Variants in GUCY1A2 observed in about 807,000 individuals in gnomAD.
GUCY1A2 encodes guanylate cyclase soluble subunit alpha-2.
Under a neutral mutation model 63.5 loss-of-function variants are expected in GUCY1A2, and 27 were observed. The observed-to-expected ratio is 0.43, with a 90% CI of 0.31 to 0.59. The LOEUF (loss-of-function observed/expected upper bound fraction) is 0.59. Ranked by LOEUF, GUCY1A2 falls within the 20% of genes least tolerant of loss-of-function variation. The pLI is 0.11. For missense variants in GUCY1A2, 768 were observed against 913.3 expected (o/e 0.84, Z 2.05); for synonymous variants, 364 against 343.5 (o/e 1.06, Z -0.66).
chr11:106,793,316 G>C (rs1864695519), intron 5 of GUCY1A2, among the ~76,000 whole-genome samples: 1 of 152,030 alleles, frequency 6.6e-6, no homozygotes, highest in Non-Finnish European at 1.5e-5. Flanking sequence ...AATGAAATTA[G>C]ATCCTTCTCT....
chr11:106,699,553 C>A (rs1862780794), intron 7 of GUCY1A2, among the ~76,000 whole-genome samples: 1 of 152,054 alleles, frequency 6.6e-6, no homozygotes, highest in African/African-American at 2.4e-5. Flanking sequence ...GACATGAATA[C>A]CAGATTAATG....
At chr11:106,913,080 A>AGT (rs1438039801) in intron 4 of GUCY1A2, among the ~76,000 whole-genome samples, 1 of 152,008 alleles carries the variant, frequency 6.6e-6, no homozygotes, top group Non-Finnish European at 1.5e-5. Context: ...ACAGTTACAA[A>AGT]TGTAAGTTGA....
At chr11:106,999,443 C>G (rs1861584830) in intron 1 of GUCY1A2, among the ~76,000 whole-genome samples, 1 of 152,000 alleles carries the variant, frequency 6.6e-6, no homozygotes, top group South Asian at 2.1e-4. Flanking sequence ...CCATAATAAA[C>G]TTTGTTATTT....
At chr11:106,787,172 T>G (rs1023466212) in intron 5 of GUCY1A2, among the ~76,000 whole-genome samples, 4 of 150,860 alleles carry the variant, frequency 2.7e-5, no homozygotes, top group African/African-American at 9.9e-5. Context: ...AATTATACTC[T>G]TAGTTATTTT....
At chr11:106,925,749 A>G (rs2119922262) in intron 4 of GUCY1A2, among the ~76,000 whole-genome samples, 1 of 152,352 alleles carries the variant, frequency 6.6e-6, no homozygotes, top group Admixed American at 6.5e-5. Flanking sequence ...TTTGAAAAAT[A>G]CAACTGAAAC....
intron 4 of GUCY1A2, among the ~76,000 whole-genome samples, chr11:106,892,239 A>G (rs1049271422): frequency 6.6e-6 from 1 of 152,122 alleles, no homozygotes; most frequent in Admixed American, 6.6e-5. Context: ...GTTTGTTCAT[A>G]GCATATACAG....
At chr11:106,911,794 T>A (rs1860298333) in intron 4 of GUCY1A2, among the ~76,000 whole-genome samples, 1 of 152,038 alleles carries the variant, frequency 6.6e-6, no homozygotes. Flanking sequence ...CATAAATATA[T>A]CAAATTTGTA....
In GUCY1A2 at chr11:106,949,221, G is replaced by T. The variant is rs541124228; in HGVS notation, c.488-9043C>A. Among the ~76,000 whole-genome samples, 12 of 151,888 alleles carry T rather than the reference G, an allele frequency of 7.9e-5. No individual in the cohort carries two copies. The East Asian group carries it at 1.9e-3, about 25-fold the overall frequency. ...CTAGAATTATACATCTCATCATATT[G>T]TTTCTCTGGAAAGCCCTCCAATGAC... On this transcript the variant is annotated intron_variant, in intron 3 of 7. Transcript: ENST00000526355.
At chr11:106,793,667 A>G (rs1864702804) in intron 5 of GUCY1A2, among the ~76,000 whole-genome samples, 1 of 152,072 alleles carries the variant, frequency 6.6e-6, no homozygotes, top group Non-Finnish European at 1.5e-5. Flanking sequence ...AAAACAACAA[A>G]CAGCCCAATT....
chr11:106,770,446 G>C (rs1864236949), intron 6 of GUCY1A2, among the ~76,000 whole-genome samples: 1 of 151,976 alleles, frequency 6.6e-6, no homozygotes, highest in Non-Finnish European at 1.5e-5. Flanking sequence ...ACTGTAATTA[G>C]TTTTTCTTTT....
intron 4 of GUCY1A2, among the ~76,000 whole-genome samples, chr11:106,855,243 T>C (rs377097115): frequency 4.6e-5 from 7 of 152,226 alleles, no homozygotes; most frequent in African/African-American, 1.2e-4. Context: ...GTGGCTCTCT[T>C]GTGGCTAGTA....
At chr11:106,994,708 G>C (rs2120163711) in intron 1 of GUCY1A2, among the ~76,000 whole-genome samples, 1 of 152,286 alleles carries the variant, frequency 6.6e-6, no homozygotes, top group Middle Eastern at 3.4e-3. Context: ...ATCAAGACCA[G>C]GTCGTGGGTC....
chr11:106,996,943 A>G (rs1241842806), intron 1 of GUCY1A2, among the ~76,000 whole-genome samples: 1 of 152,234 alleles, frequency 6.6e-6, no homozygotes, highest in Non-Finnish European at 1.5e-5. Flanking sequence ...TGACTGCCAC[A>G]TCATCAGTGT....
intron 4 of GUCY1A2, among the ~76,000 whole-genome samples, chr11:106,920,186 A>G (rs951031518): frequency 2.6e-5 from 4 of 152,010 alleles, no homozygotes; most frequent in African/African-American, 9.7e-5. Flanking sequence ...CACCAGGGCA[A>G]TAACACCAAA....
chr11:106,730,027 A>G (rs991325741), intron 6 of GUCY1A2, among the ~76,000 whole-genome samples: 4 of 141,084 alleles, frequency 2.8e-5, no homozygotes, highest in African/African-American at 1.0e-4. Context: ...GTCATTCTTT[A>G]ATGACAAAAC....
At chr11:106,732,392 T>A (rs2135372499) in intron 6 of GUCY1A2, among the ~76,000 whole-genome samples, 1 of 152,306 alleles carries the variant, frequency 6.6e-6, no homozygotes, top group Non-Finnish European at 1.5e-5. Flanking sequence ...TATAGTATAT[T>A]TTTATATTCA....
chr11:107,013,957 CAT>C (rs1348564358), intron 1 of GUCY1A2, among the ~76,000 whole-genome samples: 1 of 147,106 alleles, frequency 6.8e-6, no homozygotes, highest in African/African-American at 2.4e-5. Context: ...ATACCTGCCA[CAT>C]AGATACTACA....
intron 5 of GUCY1A2, among the ~76,000 whole-genome samples, chr11:106,788,150 T>A (rs1331597424): frequency 1.3e-5 from 2 of 152,204 alleles, no homozygotes; most frequent in Admixed American, 1.3e-4. Context: ...ATATTAAGCA[T>A]TTTTTCATAT....
chr11:106,996,067 T>C (rs749196884), intron 1 of GUCY1A2, among the ~76,000 whole-genome samples: 28 of 152,196 alleles, frequency 1.8e-4, no homozygotes, highest in South Asian at 2.1e-4. Context: ...CTGTCAACCC[T>C]AAATGCACTA....
Sources: allele counts gnomAD v4.1 joint callset (sites outside exome capture counted in the v4.1 genomes callset), GRCh38; gene constraint gnomAD v4.1.1; transcripts MANE v1.5; gene names NCBI Gene and HGNC (gene_info 2026-07-23, HGNC 2026-07-21).